Variants in CTNNA2 observed in about 807,000 individuals in gnomAD.
CTNNA2 encodes catenin alpha-2.
Under a neutral mutation model 101.0 loss-of-function variants are expected in CTNNA2, and 42 were observed. The ratio of observed to expected loss-of-function variants is 0.42; its 90% CI spans 0.32 to 0.54. The LOEUF is 0.54. Among genes scored for constraint, CTNNA2 ranks in the 20% least tolerant of loss-of-function variants. CTNNA2 has a pLI of 0.14. For missense variants in CTNNA2, 871 were observed against 1,223.1 expected, an observed-to-expected ratio of 0.71 and a Z score of 4.29; for synonymous variants, 450 against 456.4, an observed-to-expected ratio of 0.99 and a Z score of 0.18.
rs533924622 is a variant in CTNNA2, at chr2:80,097,275, T to TA, written c.1056+187478_1056+187479insA. 3.6e-3 allele frequency among the ~76,000 whole-genome samples: 547 copies of TA among 152,250 alleles called. 3 individuals carry two copies. The highest frequency in any genetic ancestry group is 0.013 in the African/African-American group (527 of 41,538). On this transcript the variant is annotated intron_variant, in intron 7 of 18. Coordinates refer to ENST00000402739, the MANE Select transcript of CTNNA2 (RefSeq NM_001282597.3). The stretch of plus-strand genomic sequence containing the variant: ...TCTCCTTCACTTATGAAGCTTAGTT[T>TA]GCTGGATGTGAAATTCTGGGTTGAA...
chr2:80,577,851 A>C (rs1180900801), intron 13 of CTNNA2, among the ~76,000 whole-genome samples: 1 of 152,150 alleles, frequency 6.6e-6, no homozygotes, highest in Non-Finnish European at 1.5e-5. Flanking sequence ...TGAAATTCTC[A>C]TACACATTTG....
chr2:79,242,031 T>C (rs1160390023), intron 2 of CTNNA2, among the ~76,000 whole-genome samples: 2 of 151,886 alleles, frequency 1.3e-5, no homozygotes, highest in African/African-American at 2.4e-5. Context: ...TCAGCCTCCC[T>C]AGTAGCTGGG....
At chr2:79,893,963 A>G (rs1684484658) in intron 6 of CTNNA2, among the ~76,000 whole-genome samples, 5 of 151,916 alleles carry the variant, frequency 3.3e-5, no homozygotes, top group Admixed American at 3.3e-4. Flanking sequence ...TAAATTGAGC[A>G]TTTTTATTCT....
chr2:80,416,250 A>G (rs145491321), intron 8 of CTNNA2, among the ~76,000 whole-genome samples: 54 of 152,272 alleles, frequency 3.5e-4, no homozygotes, highest in African/African-American at 7.9e-4. Context: ...GAGGTAATGT[A>G]TATGTTAACT....
In CTNNA2 at chr2:80,293,301, T is replaced by G. The variant is rs77278760; in HGVS notation, c.1057-99910T>G. Among the ~76,000 whole-genome samples, 902 of 152,330 alleles carry G rather than the reference T, an allele frequency of 5.9e-3. 7 individuals are homozygous for G. The highest frequency in any genetic ancestry group is 0.031 in the Middle Eastern group (9 of 294). On this transcript the variant is annotated intron_variant, in intron 7 of 18. Transcript: ENST00000402739. Reference sequence around the variant, plus strand: ...CTGTGTGCTGCTGAGCCATCTCACTTATACTGAAGGCTGCCTACAATATCT... The same window carrying G: ...CTGTGTGCTGCTGAGCCATCTCACTGATACTGAAGGCTGCCTACAATATCT...
chr2:79,195,968 G>C, intron 1 of CTNNA2: 3 of 415,280 alleles, frequency 7.2e-6, no homozygotes, highest in South Asian at 1.8e-5. Context: ...ATGGAGTCTC[G>C]ATCTGTCACC....
intron 7 of CTNNA2, among the ~76,000 whole-genome samples, chr2:80,076,892 A>C (rs1041671071): frequency 1.3e-5 from 2 of 149,928 alleles, no homozygotes; most frequent in African/African-American, 4.9e-5. Flanking sequence ...AAAAAATACA[A>C]AAAAAAAAAT....
intron 3 of CTNNA2, among the ~76,000 whole-genome samples, chr2:79,345,531 C>T (rs1214412035): frequency 6.6e-6 from 1 of 152,148 alleles, no homozygotes; most frequent in Non-Finnish European, 1.5e-5. Context: ...CCAGAGTTTC[C>T]TCTTGCTTTC....
intron 4 of CTNNA2, among the ~76,000 whole-genome samples, chr2:79,480,210 C>T (rs1671094487): frequency 6.6e-6 from 1 of 152,010 alleles, no homozygotes; most frequent in Admixed American, 6.6e-5. Flanking sequence ...TCACGTAGTT[C>T]CCTCCCACCC....
intron 7 of CTNNA2, among the ~76,000 whole-genome samples, chr2:80,341,653 T>C (rs568882597): frequency 6.6e-6 from 1 of 152,190 alleles, no homozygotes; most frequent in Non-Finnish European, 1.5e-5. Context: ...GAACCCTCAC[T>C]CATTGCTGAT....
intron 7 of CTNNA2, among the ~76,000 whole-genome samples, chr2:80,030,711 T>C (rs1695233422): frequency 6.6e-6 from 1 of 152,152 alleles, no homozygotes; most frequent in African/African-American, 2.4e-5. Flanking sequence ...AAATTTAAGG[T>C]AGAAAACTGA....
At chr2:80,300,854 C>A (rs1364383704) in intron 7 of CTNNA2, among the ~76,000 whole-genome samples, 2 of 152,014 alleles carry the variant, frequency 1.3e-5, no homozygotes, top group Non-Finnish European at 2.9e-5. Context: ...ACTACCACCA[C>A]CTCCTCACTC....
chr2:80,447,594 G>A lies in CTNNA2; in HGVS notation c.1290+27993G>A, dbSNP rs567734291. 5.9e-5 allele frequency among the ~76,000 whole-genome samples: 9 copies of A among 152,312 alleles called. No homozygotes were observed. The South Asian group carries it at 1.7e-3, about 28-fold the overall frequency. ...GAGGAGAATGTTTATTAAGCCTAGT[G>A]GGGGAAAAGCTCCTAGTGGAATTAT... On this transcript the variant is annotated intron_variant, in intron 9 of 18. Transcript: ENST00000402739.
chr2:79,591,877 T>C (rs1007726212), intron 1 of CTNNA2, among the ~76,000 whole-genome samples: 2 of 151,176 alleles, frequency 1.3e-5, no homozygotes, highest in African/African-American at 4.9e-5. Context: ...GAAGCTGTTT[T>C]ATTTTATCGG....
intron 7 of CTNNA2, among the ~76,000 whole-genome samples, chr2:80,019,124 G>A (rs144096740): frequency 5.9e-5 from 9 of 152,254 alleles, no homozygotes; most frequent in African/African-American, 2.2e-4. Context: ...GGGAGAATAC[G>A]TGTAGGTTAT....
At chr2:79,815,113 G>A (rs2105354609) in intron 3 of CTNNA2, among the ~76,000 whole-genome samples, 1 of 152,108 alleles carries the variant, frequency 6.6e-6, no homozygotes, top group Middle Eastern at 3.4e-3. Context: ...GGGCACTTTT[G>A]ATGGGATTAT....
Position 79,797,915 on chromosome 2 carries a change from T to A in CTNNA2, c.298+53333T>A, listed in dbSNP as rs573786351. 4.6e-5 allele frequency among the ~76,000 whole-genome samples: 7 copies of A among 152,162 alleles called. No homozygotes were observed. The South Asian group carries it at 8.3e-4, about 18-fold the overall frequency. Reference sequence around the variant, plus strand: ...TTCTTCATTATTTCTTAATTTTTTTTATATTTATACCAGATTTTACATGAA... The same window carrying A: ...TTCTTCATTATTTCTTAATTTTTTTAATATTTATACCAGATTTTACATGAA... On this transcript the variant is annotated intron_variant, in intron 3 of 18. Transcript: ENST00000402739.
chr2:79,812,508 G>A (rs1387035712), intron 3 of CTNNA2, among the ~76,000 whole-genome samples: 2 of 152,054 alleles, frequency 1.3e-5, no homozygotes, highest in Admixed American at 6.6e-5. Context: ...CACAGTAAAA[G>A]GAAATGTAAA....
chr2:79,977,683 T>C (rs991366696), intron 7 of CTNNA2, among the ~76,000 whole-genome samples: 6 of 152,316 alleles, frequency 3.9e-5, no homozygotes, highest in African/African-American at 1.4e-4. Flanking sequence ...TTTTTCTCTG[T>C]TGGAAACCTA....
Sources: allele counts gnomAD v4.1 joint callset (sites outside exome capture counted in the v4.1 genomes callset), GRCh38; gene constraint gnomAD v4.1.1; transcripts MANE v1.5; gene names NCBI Gene and HGNC (gene_info 2026-07-23, HGNC 2026-07-21).